The following AGBL1 variants were observed in gnomAD, a reference collection of about 807,000 sequenced individuals.
The protein encoded by AGBL1 is AGBL carboxypeptidase 1, also known as cytosolic carboxypeptidase 4.
A neutral mutation model predicts 118.9 loss-of-function variants in AGBL1; 130 were observed. The observed-to-expected ratio is 1.09, with a 90% CI of 0.95 to 1.26. The LOEUF is 1.26. Ranked by LOEUF, AGBL1 falls within the 50% of genes most tolerant of loss-of-function variation. The pLI, the probability that AGBL1 is intolerant of heterozygous loss-of-function variation, is 0.00. For missense variants in AGBL1, 1,584 were observed against 1,298.1 expected (o/e 1.22, Z -3.38); for synonymous variants, 555 against 478.9 (o/e 1.16, Z -2.08).
At chr15:86,146,945 G>A (rs1257932903) in intron 3 of AGBL1, among the ~76,000 whole-genome samples, 6 of 152,114 alleles carry the variant, frequency 3.9e-5, no homozygotes, top group African/African-American at 7.2e-5. Context: ...TGATAGTGAT[G>A]TATTCTTGCA....
At chr15:86,204,498 C>T (rs943002684) in intron 5 of AGBL1, among the ~76,000 whole-genome samples, 5 of 123,826 alleles carry the variant, frequency 4.0e-5, no homozygotes, top group African/African-American at 1.5e-4. Flanking sequence ...CCTTCCCCTT[C>T]CCCTTCCCCT....
rs1389379572 is a variant in AGBL1, at chr15:86,574,866, C to A, written c.2994+20329C>A. 2.6e-5 allele frequency among the ~76,000 whole-genome samples: 4 copies of A among 152,038 alleles called. No homozygotes were observed. In the East Asian group the frequency reaches 7.9e-4, roughly 30 times the overall value. On this transcript the variant is annotated intron_variant, in intron 21 of 22. Transcript: ENST00000614907. ...GTGCTGGGATTATAGATGTGAGCCACTGCACCTGGCCCTAATGTTTTTAAT... is the reference window on the plus strand; with the variant it reads ...GTGCTGGGATTATAGATGTGAGCCAATGCACCTGGCCCTAATGTTTTTAAT...
chr15:86,150,161 CA>C (rs1352700503), intron 3 of AGBL1, among the ~76,000 whole-genome samples: 2 of 152,156 alleles, frequency 1.3e-5, no homozygotes, highest in African/African-American at 2.4e-5. Context: ...ACTAAATGCT[CA>C]CAAGAGATAG....
intron 18 of AGBL1, among the ~76,000 whole-genome samples, chr15:86,398,785 T>C (rs1336564316): frequency 3.3e-5 from 5 of 152,018 alleles, no homozygotes; most frequent in Admixed American, 3.3e-4. Context: ...GTTAAAAGTA[T>C]GAAGATGATA....
At chr15:86,924,340 TGTAATCTTAGCA>T (rs1330260872) in intron 23 of AGBL1, among the ~76,000 whole-genome samples, 1 of 152,228 alleles carries the variant, frequency 6.6e-6, no homozygotes, top group East Asian at 1.9e-4. Flanking sequence ...TAGAAAGGTG[TGTAATCTTAGCA>T]GAATGCTTTG....
Position 86,368,797 on chromosome 15 carries a change from A to T in AGBL1, c.2375-28569A>T, listed in dbSNP as rs80086731. ...CAGTATTATAAGATGTAATAGCTGA[A>T]ATTTTTGTAAAATAGAGGAAAGATT... On this transcript the variant is annotated intron_variant, in intron 17 of 22. Transcript: ENST00000614907. Among the ~76,000 whole-genome samples the T allele has an allele frequency of 3.7e-3, 561 of 152,332 alleles. 4 individuals carry two copies. Among genetic ancestry groups the T allele is most frequent in the African/African-American group, 0.013 (522 of 41,578 alleles).
At chr15:86,431,836 G>A (rs771272381) in intron 18 of AGBL1, among the ~76,000 whole-genome samples, 2 of 152,132 alleles carry the variant, frequency 1.3e-5, no homozygotes, top group Non-Finnish European at 2.9e-5. Context: ...ACTTGGTTGA[G>A]ACTCCCGGTT....
chr15:86,396,274 T>A (rs1048928381), intron 17 of AGBL1, among the ~76,000 whole-genome samples: 16 of 148,636 alleles, frequency 1.1e-4, no homozygotes, highest in African/African-American at 4.0e-4. Context: ...CACACACACG[T>A]CAGTAAATGA....
intron 15 of AGBL1, among the ~76,000 whole-genome samples, chr15:86,274,564 G>C (rs1349014624): frequency 2.6e-5 from 4 of 152,130 alleles, no homozygotes; most frequent in Non-Finnish European, 5.9e-5. Context: ...AAAAGCAAAA[G>C]AAAAAGGAGG....
At chr15:86,497,879 C>A (rs2082873261) in intron 18 of AGBL1, among the ~76,000 whole-genome samples, 1 of 151,906 alleles carries the variant, frequency 6.6e-6, no homozygotes. Flanking sequence ...TACCGCTACA[C>A]CATCTGCTTT....
At chr15:86,940,729 A>G (rs1019011958) in intron 23 of AGBL1, among the ~76,000 whole-genome samples, 6 of 152,216 alleles carry the variant, frequency 3.9e-5, no homozygotes, top group African/African-American at 1.2e-4. Context: ...GCCAGTTTCA[A>G]TTGGCGTGGT....
chr15:86,809,071 G>A (rs888049366), intron 22 of AGBL1, among the ~76,000 whole-genome samples: 3 of 152,090 alleles, frequency 2.0e-5, no homozygotes, highest in Non-Finnish European at 2.9e-5. Context: ...GGCTTGCTAT[G>A]TACATTGTTT....
At chr15:86,479,715 C>T (rs2082622044) in intron 18 of AGBL1, among the ~76,000 whole-genome samples, 3 of 152,156 alleles carry the variant, frequency 2.0e-5, no homozygotes, top group Admixed American at 2.0e-4. Flanking sequence ...TACCATTTGA[C>T]CCAGCCATCC....
chr15:86,717,036 G>C (rs1429234881), intron 22 of AGBL1, among the ~76,000 whole-genome samples: 1 of 152,206 alleles, frequency 6.6e-6, no homozygotes, highest in Non-Finnish European at 1.5e-5. Flanking sequence ...CACATGAAGT[G>C]CTTCAGGCAA....
intron 5 of AGBL1, among the ~76,000 whole-genome samples, chr15:86,181,898 T>C (rs2077557601): frequency 2.0e-5 from 3 of 152,046 alleles, no homozygotes; most frequent in African/African-American, 7.2e-5. Context: ...TCTTTTTGAT[T>C]GTGTGGCTAC....
intron 18 of AGBL1, among the ~76,000 whole-genome samples, chr15:86,449,220 T>C (rs1370619699): frequency 3.9e-5 from 6 of 152,286 alleles, no homozygotes; most frequent in Admixed American, 1.3e-4. Context: ...ACAACAGTGA[T>C]AACTGTGCCT....
At chr15:86,533,902 A>G (rs1285328951) in intron 19 of AGBL1, among the ~76,000 whole-genome samples, 2 of 90,330 alleles carry the variant, frequency 2.2e-5, no homozygotes, top group African/African-American at 4.9e-5. Context: ...CATAGGTGGG[A>G]ATTGAACAAT....
chr15:86,803,801 A>T (rs753613322), intron 22 of AGBL1, among the ~76,000 whole-genome samples: 1 of 152,126 alleles, frequency 6.6e-6, no homozygotes, highest in Non-Finnish European at 1.5e-5. Flanking sequence ...GTCTGGGAAC[A>T]TTTTGGGTTG....
At chr15:86,301,903 C>G (rs35000834) in intron 17 of AGBL1, among the ~76,000 whole-genome samples, 6,204 of 152,168 alleles carry the variant, frequency 0.041, 160 homozygotes, top group South Asian at 0.075. Flanking sequence ...AATCCAAAAA[C>G]TATTCTCATG....
Sources: gnomAD v4.1 joint callset for allele counts (sites outside exome capture counted in the v4.1 genomes callset) on GRCh38, gnomAD v4.1.1 for gene constraint, MANE v1.5 for transcripts, NCBI Gene and HGNC (gene_info 2026-07-23, HGNC 2026-07-21) for gene names.